Variants in MAPKBP1 observed in about 807,000 individuals in gnomAD.
The protein encoded by MAPKBP1 is mitogen-activated protein kinase binding protein 1, also known as mitogen-activated protein kinase-binding protein 1.
A neutral mutation model predicts 170.5 loss-of-function variants in MAPKBP1; 71 were observed. That is an observed-to-expected ratio of 0.42 (90% CI 0.34 to 0.51). The LOEUF (loss-of-function observed/expected upper bound fraction) is 0.51, where lower values mean the gene tolerates loss of function less well. Ranked by LOEUF, MAPKBP1 falls within the 20% of genes least tolerant of loss-of-function variation. The pLI is 0.06. For synonymous variants in MAPKBP1, 719 were observed against 757.9 expected (o/e 0.95, Z 0.84); for missense variants, 1,598 against 1,933.0 (o/e 0.83, Z 3.25).
intron 23 of MAPKBP1, 137 bp downstream of exon 23, chr15:41,821,205 C>A: frequency 1.2e-6 from 1 of 830,154 alleles, no homozygotes; most frequent in Admixed American, 2.1e-5. Flanking sequence ...AACTGCAAAG[C>A]CAGGATGGGG....
chr15:41,803,232 T>C (rs2152075195), intron 3 of MAPKBP1, among the ~76,000 whole-genome samples: 1 of 151,758 alleles, frequency 6.6e-6, no homozygotes, highest in African/African-American at 2.4e-5. Context: ...CTGGCCAACA[T>C]GGTGAAATCT....
chr15:41,796,747 C>T (rs1247282155), intron 2 of MAPKBP1, among the ~76,000 whole-genome samples: 3 of 152,068 alleles, frequency 2.0e-5, no homozygotes, highest in African/African-American at 7.2e-5. Flanking sequence ...GCTGAGAGTC[C>T]TAGGAGGAAA....
chr15:41,819,691 AG>A, intron 22 of MAPKBP1, 41 bp downstream of exon 22: 1 of 1,576,334 alleles, frequency 6.3e-7, no homozygotes, highest in African/African-American at 1.3e-5. Context: ...AGGTTAGAGG[AG>A]GCAAAGGGAG....
chr15:41,780,796 A>G (rs970063314), intron 2 of MAPKBP1, among the ~76,000 whole-genome samples: 3 of 152,122 alleles, frequency 2.0e-5, no homozygotes, highest in Non-Finnish European at 4.4e-5. Context: ...AAGGCAAGAA[A>G]TAAAAGTGAG....
At chr15:41,786,799 T>TATATATATATATATATATATAG in intron 2 of MAPKBP1, among the ~76,000 whole-genome samples, 1 of 126,694 alleles carries the variant, frequency 7.9e-6, no homozygotes, top group Non-Finnish European at 1.6e-5. Flanking sequence ...TATATATATA[T>TATATATATATATATATATATAG]ATATAGGTAT....
chr15:41,795,763 C>G (rs937537590), intron 2 of MAPKBP1, among the ~76,000 whole-genome samples: 2 of 152,138 alleles, frequency 1.3e-5, no homozygotes, highest in African/African-American at 4.8e-5. Flanking sequence ...CACGGCGTCA[C>G]GCCCGGCTAA....
intron 22 of MAPKBP1, among the ~76,000 whole-genome samples, chr15:41,820,052 A>C (rs565942845): frequency 6.6e-6 from 1 of 152,330 alleles, no homozygotes; most frequent in African/African-American, 2.4e-5. Context: ...GGAGATCTGG[A>C]GAAACAGTTC....
rs141754103 is a variant in MAPKBP1, at chr15:41,800,380, G to C, written c.206+466G>C. On this transcript the variant is annotated intron_variant, in intron 3 of 30. Coordinates refer to ENST00000457542, the MANE Select transcript of MAPKBP1 (RefSeq NM_014994.3). ...TTTTTTTGAGACAGGTTCTGGCTCT[G>C]TTGCCTAGGCTGGAGTGCAGTGGCT... Among the ~76,000 whole-genome samples, 648 of 151,844 alleles carry C rather than the reference G, an allele frequency of 4.3e-3. 5 individuals are homozygous for C. Among genetic ancestry groups the C allele is most frequent in the African/African-American group, 0.015 (615 of 41,390 alleles).
chr15:41,823,550 T>C lies in MAPKBP1; in HGVS notation c.3702T>C (p.Arg1234=), dbSNP rs1460357451. 1 of 1,613,982 alleles carries C rather than the reference T, an allele frequency of 6.2e-7. No individual in the cohort carries two copies. Among genetic ancestry groups the C allele is most frequent in the Non-Finnish European group, 8.5e-7 (1 of 1,180,008 alleles). ...GLGSLPPADG[R]PSRPHSYQNP... ...GCTCCCTGCCCCCAGCTGATGGCCG[T>C]CCGTCTCGGCCTCACTCCTATCAGA... The change falls in exon 29 of 31, where the codon CGT becomes CGC. Residue 1234 remains arginine (R), a synonymous_variant. Coordinates refer to ENST00000457542, the MANE Select transcript of MAPKBP1 (RefSeq NM_014994.3).
chr15:41,823,893 C>T lies in MAPKBP1; in HGVS notation c.4045C>T (p.Pro1349Ser). The T allele has an allele frequency of 6.2e-7, 1 of 1,614,194 alleles. No homozygotes were observed. The highest frequency in any genetic ancestry group is 8.5e-7 in the Non-Finnish European group (1 of 1,180,038). ...TTTGGGGGAGGGCACCACTCCCAAG[C>T]CTAGGACAGAGTGCCAGGCTCATCC... ...ACLGEGTTPK[P>S]RTECQAHPGP... Residue 1349 changes from proline (P) to serine (S), a missense_variant, in exon 29 of 31, where the codon CCT (proline) becomes TCT (serine). By Grantham distance (74) the Pro-to-Ser change is moderately conservative. Transcript: ENST00000457542.
intron 8 of MAPKBP1, 56 bp from the exon 9 acceptor site, chr15:41,813,565 G>A: frequency 1.3e-6 from 2 of 1,594,782 alleles, no homozygotes; most frequent in African/African-American, 1.3e-5. Context: ...TGGGTGGGGA[G>A]GAGAGAAGAC....
intron 29 of MAPKBP1, 106 bp from the exon 30 acceptor site, chr15:41,824,378 G>T: frequency 9.7e-7 from 1 of 1,035,248 alleles, no homozygotes; most frequent in Non-Finnish European, 1.4e-6. Flanking sequence ...GGCAAGTGGG[G>T]GGTGCAATGC....
At chr15:41,784,521 C>T (rs1192078875) in intron 2 of MAPKBP1, among the ~76,000 whole-genome samples, 1 of 151,982 alleles carries the variant, frequency 6.6e-6, no homozygotes, top group Non-Finnish European at 1.5e-5. Flanking sequence ...TGGTGGCTCA[C>T]ACCTGTAATC....
chr15:41,806,508 G>A (rs773521893), intron 3 of MAPKBP1, among the ~76,000 whole-genome samples: 5 of 152,224 alleles, frequency 3.3e-5, no homozygotes, highest in Non-Finnish European at 7.4e-5. Context: ...TGGGCTCTTT[G>A]TGGTAGCAGC....
chr15:41,814,821 G>T, intron 10 of MAPKBP1, 82 bp downstream of exon 10: 1 of 1,507,126 alleles, frequency 6.6e-7, no homozygotes, highest in Non-Finnish European at 9.1e-7. Context: ...GGATCCCCAA[G>T]TATAATCTTA....
chr15:41,786,437 A>G (rs1170125690), intron 2 of MAPKBP1, among the ~76,000 whole-genome samples: 2 of 152,140 alleles, frequency 1.3e-5, no homozygotes, highest in Non-Finnish European at 2.9e-5. Flanking sequence ...TGCTCATTTT[A>G]TTAAAGCAGT....
intron 2 of MAPKBP1, among the ~76,000 whole-genome samples, chr15:41,779,153 T>G (rs2064142266): frequency 6.6e-6 from 1 of 152,192 alleles, no homozygotes. Context: ...AAAGTGGCAA[T>G]ACTCTAATTT....
chr15:41,791,553 T>C (rs2152071419), intron 2 of MAPKBP1, among the ~76,000 whole-genome samples: 1 of 152,348 alleles, frequency 6.6e-6, no homozygotes, highest in South Asian at 2.1e-4. Context: ...ACTGATCAGA[T>C]CCAGGGACTT....
At position 41,817,955 on chromosome 15, in the gene MAPKBP1, G is replaced by T; in HGVS notation, c.1905-54G>T. ...TGAAAGCTGGCATTTCCATCCCCCA[G>T]GCGTGTTCCACCTTCACCGCCTCCT... On this transcript the variant is annotated intron_variant, in intron 16 of 30. Transcript: ENST00000457542. The surrounding 1 kb of genome is among the most constrained non-coding windows in gnomAD (Gnocchi z 4.2). The T allele has an allele frequency of 6.3e-7, 1 of 1,582,750 alleles. No homozygotes were observed. Among genetic ancestry groups the T allele is most frequent in the South Asian group, 1.1e-5 (1 of 90,214 alleles).
Sources: allele counts gnomAD v4.1 joint callset (sites outside exome capture counted in the v4.1 genomes callset), GRCh38; gene constraint gnomAD v4.1.1; non-coding constraint Gnocchi (gnomAD v3.1); transcripts MANE v1.5; gene names NCBI Gene and HGNC (gene_info 2026-07-23, HGNC 2026-07-21).